Variants in MDGA2 observed in about 807,000 individuals in gnomAD.
MDGA2 encodes MAM domain-containing glycosylphosphatidylinositol anchor protein 2.
Under a neutral mutation model 117.8 loss-of-function variants are expected in MDGA2, and 40 were observed. The ratio of observed to expected loss-of-function variants is 0.34; its 90% CI spans 0.26 to 0.44. The LOEUF (loss-of-function observed/expected upper bound fraction) is 0.44, where lower values mean the gene tolerates loss of function less well. Ranked by LOEUF, MDGA2 falls within the 20% of genes least tolerant of loss-of-function variation. The pLI, the probability that MDGA2 is intolerant of heterozygous loss-of-function variation, is 1.00. For missense variants in MDGA2, 1,123 were observed against 1,250.6 expected (o/e 0.90, Z 1.54); for synonymous variants, 452 against 439.0 (o/e 1.03, Z -0.37).
At chr14:47,365,773 G>A (rs1246942781) in intron 1 of MDGA2, among the ~76,000 whole-genome samples, 1 of 152,098 alleles carries the variant, frequency 6.6e-6, no homozygotes, top group Non-Finnish European at 1.5e-5. Flanking sequence ...ATAACATACT[G>A]CTTCATTGGA....
chr14:47,453,283 C>G (rs1893279169), intron 1 of MDGA2, among the ~76,000 whole-genome samples: 1 of 151,976 alleles, frequency 6.6e-6, no homozygotes, highest in South Asian at 2.1e-4. Context: ...TTCTTAAATT[C>G]CTTTTCTTTC....
intron 9 of MDGA2, among the ~76,000 whole-genome samples, chr14:46,940,884 A>G (rs1484093088): frequency 6.6e-6 from 1 of 152,170 alleles, no homozygotes; most frequent in African/African-American, 2.4e-5. Context: ...AAGGAGCAAG[A>G]GGTGTTCAAG....
chr14:46,906,800 A>G (rs1323092526), intron 10 of MDGA2, among the ~76,000 whole-genome samples: 2 of 152,094 alleles, frequency 1.3e-5, no homozygotes, highest in African/African-American at 4.8e-5. Flanking sequence ...ATTACTCAGT[A>G]GAGAGATGTA....
At chr14:46,894,791 C>A (rs886106206) in intron 10 of MDGA2, among the ~76,000 whole-genome samples, 1 of 152,082 alleles carries the variant, frequency 6.6e-6, no homozygotes, top group Non-Finnish European at 1.5e-5. Context: ...CCCAAGAGAC[C>A]ATGTGTAACA....
chr14:47,396,480 T>G (rs1892011672), intron 1 of MDGA2, among the ~76,000 whole-genome samples: 1 of 152,030 alleles, frequency 6.6e-6, no homozygotes, highest in Non-Finnish European at 1.5e-5. Flanking sequence ...AAGTCAAAAT[T>G]GACAAATGGG....
At chr14:47,008,827 A>G (rs1259600772) in intron 8 of MDGA2, among the ~76,000 whole-genome samples, 2 of 151,970 alleles carry the variant, frequency 1.3e-5, no homozygotes, top group Admixed American at 6.6e-5. Context: ...TATTTTTGCA[A>G]TAATATTTAT....
At chr14:47,200,259 G>A (rs1345589202) in intron 3 of MDGA2, among the ~76,000 whole-genome samples, 1 of 151,742 alleles carries the variant, frequency 6.6e-6, no homozygotes, top group Admixed American at 6.6e-5. Context: ...CACCATATAT[G>A]GCATTTTTAA....
At chr14:47,081,946 T>C (rs2138894564) in intron 6 of MDGA2, among the ~76,000 whole-genome samples, 1 of 152,218 alleles carries the variant, frequency 6.6e-6, no homozygotes, top group African/African-American at 2.4e-5. Context: ...TTTGTTACAT[T>C]TTTTGCTCCT....
chr14:47,526,563 C>T (rs530660826), intron 1 of MDGA2, among the ~76,000 whole-genome samples: 2 of 152,244 alleles, frequency 1.3e-5, no homozygotes, highest in South Asian at 4.1e-4. Context: ...ACGGTGATAT[C>T]TTTGCTCAGC....
intron 1 of MDGA2, among the ~76,000 whole-genome samples, chr14:47,505,795 C>T (rs183617370): frequency 5.9e-5 from 9 of 152,148 alleles, no homozygotes; most frequent in Admixed American, 3.3e-4. Flanking sequence ...TATGGTAAGA[C>T]CTTCATGTGT....
At chr14:47,079,783 G>C (rs1890637880) in intron 6 of MDGA2, among the ~76,000 whole-genome samples, 1 of 132,916 alleles carries the variant, frequency 7.5e-6, no homozygotes, top group Non-Finnish European at 1.5e-5. Flanking sequence ...CCAGGCTGGA[G>C]TGCAGTGGCG....
intron 5 of MDGA2, among the ~76,000 whole-genome samples, chr14:47,114,955 C>CAAAA (rs35950492): frequency 6.3e-5 from 8 of 127,312 alleles, no homozygotes; most frequent in Non-Finnish European, 1.2e-4. Flanking sequence ...TCTGCACAGC[C>CAAAA]AAAAAAAAAA....
chr14:47,022,298 C>G (rs1486949663), intron 8 of MDGA2, among the ~76,000 whole-genome samples: 1 of 152,014 alleles, frequency 6.6e-6, no homozygotes, highest in African/African-American at 2.4e-5. Context: ...GGGCTTGTCT[C>G]GAACTTCTGG....
Position 46,996,018 on chromosome 14 carries a change from T to C in MDGA2, c.1820-38375A>G, listed in dbSNP as rs901255072. Among the ~76,000 whole-genome samples the C allele has an allele frequency of 5.3e-5, 8 of 152,106 alleles. No individual in the cohort carries two copies. The South Asian group carries it at 8.3e-4, about 16-fold the overall frequency. On this transcript the variant is annotated intron_variant, in intron 8 of 16. Coordinates refer to ENST00000399232, the MANE Select transcript of MDGA2 (RefSeq NM_001113498.3). Reference sequence around the variant, plus strand: ...CAGTGGTCTATATCCATCCAGTGTCTACTCACTTCTAAGCCTGTGGTCATA... The same window carrying C: ...CAGTGGTCTATATCCATCCAGTGTCCACTCACTTCTAAGCCTGTGGTCATA...
At position 46,945,806 on chromosome 14, in the gene MDGA2, T is replaced by C. The variant is rs116673815; in HGVS notation, c.2089+11568A>G. ...CACTGTCTGTTTTTATTCCTTAAAA[T>C]TGTAACCTCATGTAGTTTGTCCAAT... On this transcript the variant is annotated intron_variant, in intron 9 of 16. Coordinates refer to ENST00000399232, the MANE Select transcript of MDGA2 (RefSeq NM_001113498.3). Among the ~76,000 whole-genome samples, 447 of 152,144 alleles carry C rather than the reference T, an allele frequency of 2.9e-3. 2 individuals are homozygous for C. The highest frequency in any genetic ancestry group is 0.01 in the African/African-American group (426 of 41,540).
intron 1 of MDGA2, among the ~76,000 whole-genome samples, chr14:47,355,702 C>T (rs1481727422): frequency 1.3e-5 from 2 of 152,052 alleles, no homozygotes; most frequent in South Asian, 2.1e-4. Context: ...AGAGAGAGGA[C>T]GGCTGTCATC....
chr14:46,853,788 GA>G (rs528702859), intron 15 of MDGA2, among the ~76,000 whole-genome samples: 182 of 151,668 alleles, frequency 1.2e-3, no homozygotes, highest in Middle Eastern at 6.8e-3. Flanking sequence ...CAACTTTTTA[GA>G]AAAAAATTGC....
intron 2 of MDGA2, among the ~76,000 whole-genome samples, chr14:47,290,885 C>T (rs1888863110): frequency 6.6e-6 from 1 of 151,974 alleles, no homozygotes; most frequent in South Asian, 2.1e-4. Context: ...TCTGAGAAGA[C>T]ATGTAGAATG....
intron 5 of MDGA2, among the ~76,000 whole-genome samples, chr14:47,124,380 T>C (rs1264152788): frequency 3.3e-5 from 5 of 152,140 alleles, no homozygotes; most frequent in African/African-American, 1.2e-4. Flanking sequence ...GTGTTCTTTG[T>C]ATTTCCCCAA....
Sources: gnomAD v4.1 joint callset for allele counts (sites outside exome capture counted in the v4.1 genomes callset) on GRCh38, gnomAD v4.1.1 for gene constraint, MANE v1.5 for transcripts, NCBI Gene and HGNC (gene_info 2026-07-23, HGNC 2026-07-21) for gene names.